Variants in FCRL5 observed in about 807,000 individuals in gnomAD.
FCRL5 encodes the protein Fc receptor like 5.
In FCRL5, 79 loss-of-function variants were observed where a neutral mutation model predicts 92.1. The ratio of observed to expected loss-of-function variants is 0.86; its 90% CI spans 0.72 to 1.03. The LOEUF is 1.03. Among genes scored for constraint, FCRL5 ranks in the 50% least tolerant of loss-of-function variants. FCRL5 has a pLI of 0.00. For missense variants in FCRL5, 1,160 were observed against 1,181.1 expected, an observed-to-expected ratio of 0.98 and a Z score of 0.26; for synonymous variants, 466 against 469.3, an observed-to-expected ratio of 0.99 and a Z score of 0.09.
chr1:157,530,047 C>T (rs999489262), intron 8 of FCRL5, among the ~76,000 whole-genome samples: 3 of 152,086 alleles, frequency 2.0e-5, no homozygotes, highest in Non-Finnish European at 4.4e-5. Flanking sequence ...AAAAGTTTTA[C>T]CATTTTCTTT....
intron 10 of FCRL5, 175 bp from the exon 11 acceptor site, chr1:157,521,467 C>G: frequency 1.4e-6 from 1 of 695,220 alleles, no homozygotes; most frequent in Middle Eastern, 4.0e-4. Context: ...ACAAAAATAT[C>G]CAATAGAAAA....
chr1:157,529,250 C>A (rs891445639), intron 8 of FCRL5, among the ~76,000 whole-genome samples: 17 of 152,126 alleles, frequency 1.1e-4, no homozygotes, highest in African/African-American at 4.1e-4. Flanking sequence ...CAATGCGATA[C>A]CACCTTACTC....
At chr1:157,535,368 A>T (rs6667109) in intron 7 of FCRL5, among the ~76,000 whole-genome samples, 110,068 of 152,158 alleles carry the variant, frequency 0.72, 42,910 homozygotes, top group South Asian at 0.86. Context: ...CTTCTTCCAA[A>T]CTACATTTTG....
intron 8 of FCRL5, chr1:157,528,698 T>G (rs1650552287): frequency 1.3e-5 from 2 of 151,986 alleles, no homozygotes; most frequent in Admixed American, 1.3e-4. Flanking sequence ...GAAACAAAAA[T>G]GTAAAGTGAG....
chr1:157,550,871 C>G (rs532749917), intron 1 of FCRL5, among the ~76,000 whole-genome samples: 14 of 152,190 alleles, frequency 9.2e-5, no homozygotes, highest in South Asian at 2.1e-4. Context: ...TTTATTTATT[C>G]AACAGATTTT....
intron 2 of FCRL5, among the ~76,000 whole-genome samples, chr1:157,548,899 C>A (rs186273770): frequency 2.4e-4 from 37 of 152,156 alleles, no homozygotes; most frequent in African/African-American, 8.0e-4. Flanking sequence ...GATCTAGAAG[C>A]AGAAATACCA....
At chr1:157,525,389 A>T (rs1465892002) in intron 9 of FCRL5, among the ~76,000 whole-genome samples, 1 of 152,254 alleles carries the variant, frequency 6.6e-6, no homozygotes, top group Non-Finnish European at 1.5e-5. Context: ...AATTTTTGAA[A>T]TAAAGTAGCA....
intron 6 of FCRL5, 78 bp downstream of exon 6, chr1:157,542,781 A>G: frequency 6.7e-7 from 1 of 1,495,690 alleles, no homozygotes; most frequent in Non-Finnish European, 9.1e-7. Flanking sequence ...ACTGGAAGGT[A>G]TATGCTGACT....
Position 157,514,018 on chromosome 1 carries a change from A to T in FCRL5, c.*1657T>A, listed in dbSNP as rs1287505630. 1 of 152,236 alleles carries T rather than the reference A, an allele frequency of 6.6e-6. No homozygotes were observed. Among genetic ancestry groups the T allele is most frequent in the Non-Finnish European group, 1.5e-5 (1 of 68,056 alleles). The allele number at this position is 152,236 out of a possible 1,614,324, so 9.4% of individuals were successfully genotyped here. On this transcript the variant is annotated 3_prime_UTR_variant, in exon 17 of 17. Coordinates refer to ENST00000361835, the MANE Select transcript of FCRL5 (RefSeq NM_031281.3). ...CCTCTGCAAGGCTGCACTGGGCTGCATACAGGCTCCTGTCTCAGGTGTCTG... is the reference window on the plus strand; with the variant it reads ...CCTCTGCAAGGCTGCACTGGGCTGCTTACAGGCTCCTGTCTCAGGTGTCTG...
intron 8 of FCRL5, chr1:157,528,452 A>G (rs1032546317): frequency 2.0e-5 from 3 of 152,190 alleles, no homozygotes; most frequent in Non-Finnish European, 2.9e-5. Context: ...TCACAGAACT[A>G]GAAAAAACAA....
intron 9 of FCRL5, among the ~76,000 whole-genome samples, 166 bp downstream of exon 9, chr1:157,527,451 T>C (rs760166120): frequency 1.3e-5 from 2 of 152,236 alleles, no homozygotes; most frequent in Non-Finnish European, 2.9e-5. Context: ...TGCAAGTTCC[T>C]GAACGTGTAG....
Position 157,516,523 on chromosome 1 carries a change from C to A in FCRL5, c.2813-650G>T, listed in dbSNP as rs570558467. On this transcript the variant is annotated intron_variant, in intron 15 of 16. Coordinates refer to ENST00000361835, the MANE Select transcript of FCRL5 (RefSeq NM_031281.3). ...AATACATTTTCTCTCTCTCTATTATCATATGTATGCATGCCATAGTTCTAT... is the reference window on the plus strand; with the variant it reads ...AATACATTTTCTCTCTCTCTATTATAATATGTATGCATGCCATAGTTCTAT... Among the ~76,000 whole-genome samples, 4 of 152,304 alleles carry A rather than the reference C, an allele frequency of 2.6e-5. No individual in the cohort carries two copies. The East Asian group carries it at 7.7e-4, about 29-fold the overall frequency.
At position 157,552,486 on chromosome 1, in the gene FCRL5, G is replaced by T; in HGVS notation, c.-124C>A. On this transcript the variant is annotated 5_prime_UTR_variant, in exon 1 of 17. Coordinates refer to ENST00000361835, the MANE Select transcript of FCRL5 (RefSeq NM_031281.3). ...CTCCAAGGAGCACATCTGAGAAGCT[G>T]TGCTCTCAAAAAGAGCAGAATGCAT... 2 of 999,646 alleles carry T rather than the reference G, an allele frequency of 2.0e-6. No individual in the cohort carries two copies. Among genetic ancestry groups the T allele is most frequent in the Non-Finnish European group, 3.1e-6 (2 of 635,074 alleles). The allele number at this position is 999,646 out of a possible 1,614,324, so 61.9% of individuals were successfully genotyped here.
At position 157,544,665 on chromosome 1, in the gene FCRL5, T is replaced by C. The variant is rs74118673; in HGVS notation, c.560-119A>G. On this transcript the variant is annotated intron_variant, in intron 4 of 16. Coordinates refer to ENST00000361835, the MANE Select transcript of FCRL5 (RefSeq NM_031281.3). Reference sequence around the variant, plus strand: ...CAAAGAAAGGAATGCCATTGATCCCTAGCTTCCTTCAGCCCAAAACACTAC... The same window carrying C: ...CAAAGAAAGGAATGCCATTGATCCCCAGCTTCCTTCAGCCCAAAACACTAC... 38 of 1,426,902 alleles carry C rather than the reference T, an allele frequency of 2.7e-5. No homozygotes were observed. The African/African-American group carries it at 4.8e-4, about 18-fold the overall frequency. The allele number at this position is 1,426,902 out of a possible 1,614,324, so 88.4% of individuals were successfully genotyped here. A position where few individuals can be genotyped will look rare whatever the true frequency, so the allele number is the denominator to read the frequency against.
Position 157,515,125 on chromosome 1 carries a change from T to G in FCRL5, c.*550A>C. 1 of 164,100 alleles carries G rather than the reference T, an allele frequency of 6.1e-6. No homozygotes were observed. The highest frequency in any genetic ancestry group is 1.3e-5 in the Non-Finnish European group (1 of 74,174). 10.2% of individuals were successfully genotyped at this position (164,100 alleles called of 1,614,324 possible). On this transcript the variant is annotated 3_prime_UTR_variant, in exon 17 of 17. Transcript: ENST00000361835. ...TTAGAGTTTGAGACAGGTGGAGGAG[T>G]GTGAAATGCAGCCCCCGTGGGGAGA...
chr1:157,536,658 A>G (rs1264446728), intron 7 of FCRL5, among the ~76,000 whole-genome samples: 1 of 152,196 alleles, frequency 6.6e-6, no homozygotes, highest in Non-Finnish European at 1.5e-5. Flanking sequence ...GTGGTTCTCC[A>G]CTGTTCTGTC....
intron 8 of FCRL5, chr1:157,528,354 G>T (rs1341624553): frequency 6.6e-6 from 1 of 152,364 alleles, no homozygotes; most frequent in African/African-American, 2.4e-5. Context: ...TCTCATGGAT[G>T]GGTAGAATCA....
intron 8 of FCRL5, chr1:157,531,995 A>G (rs747187971): frequency 2.0e-5 from 3 of 152,238 alleles, no homozygotes; most frequent in Non-Finnish European, 4.4e-5. Flanking sequence ...CAAAGAAATG[A>G]TAAATGCATG....
chr1:157,524,455 G>A lies in FCRL5; in HGVS notation c.2063C>T (p.Pro688Leu). ...LHCEALRGSS[P>L]ILYWFYHEDV... is the part of the protein sequence containing the mutation. ...TTCATGATAAAACCAGTACAGGATTGGGGAGGAGCCTCTCAGGGCCTCACA... is the reference window on the plus strand; with the variant it reads ...TTCATGATAAAACCAGTACAGGATTAGGGAGGAGCCTCTCAGGGCCTCACA... Residue 688 changes from proline (P) to leucine (L), a missense_variant, in exon 10 of 17, where the codon CCA becomes CTA. Coordinates refer to ENST00000361835, the MANE Select transcript of FCRL5 (RefSeq NM_031281.3). 1 of 1,614,222 alleles carries A rather than the reference G, an allele frequency of 6.2e-7. No individual in the cohort carries two copies. The highest frequency in any genetic ancestry group is 1.3e-5 in the African/African-American group (1 of 75,054).
Sources: gnomAD v4.1 joint callset for allele counts (sites outside exome capture counted in the v4.1 genomes callset) on GRCh38, gnomAD v4.1.1 for gene constraint, MANE v1.5 for transcripts, NCBI Gene and HGNC (gene_info 2026-07-23, HGNC 2026-07-21) for gene names.